KHDRBS3: variants seen among roughly 807,000 people sequenced by gnomAD.
KHDRBS3 encodes KH domain-containing, RNA-binding, signal transduction-associated protein 3.
In KHDRBS3, 23 loss-of-function variants were observed where a neutral mutation model predicts 45.6. The ratio of observed to expected loss-of-function variants is 0.50; its 90% confidence interval spans 0.36 to 0.72. The LOEUF (loss-of-function observed/expected upper bound fraction) is 0.72. KHDRBS3 is among the 30% of genes least tolerant of loss of function. The pLI is 0.00. For synonymous variants in KHDRBS3, 162 were observed against 156.5 expected (o/e 1.04, Z -0.26); for missense variants, 352 against 424.8 (o/e 0.83, Z 1.51).
At chr8:135,562,418 C>T (rs1030197972) in intron 5 of KHDRBS3, among the ~76,000 whole-genome samples, 5 of 152,178 alleles carry the variant, frequency 3.3e-5, no homozygotes, top group Admixed American at 3.3e-4. Context: ...GTGTAGTAGG[C>T]TACGCCACCT....
chr8:135,501,662 T>G (rs948605872), intron 1 of KHDRBS3, among the ~76,000 whole-genome samples: 8 of 152,282 alleles, frequency 5.3e-5, no homozygotes, highest in African/African-American at 1.9e-4. Context: ...ATGTAGCTTA[T>G]CGATTTTTTT....
In KHDRBS3 at chr8:135,536,992, AAAAAAG is replaced by A. The variant is rs1825804521; in HGVS notation, c.208-5661_208-5656del. Among the ~76,000 whole-genome samples the A allele has an allele frequency of 7.4e-5, 6 of 81,616 alleles. 1 individual carries two copies. The highest frequency in any genetic ancestry group is 5.4e-4 in the African/African-American group (6 of 11,016). 53.5% of individuals were successfully genotyped at this position (81,616 alleles called of 152,430 possible). A position where few individuals can be genotyped will look rare whatever the true frequency, so the allele number is the denominator to read the frequency against. ...AAAAAAAAAAAAAAAAAAAAAAAAAAAAAAAGGAGATGTTTAGGAGGTAAAATCATT... is the reference window on the plus strand; with the variant it reads ...AAAAAAAAAAAAAAAAAAAAAAAAAAGAGATGTTTAGGAGGTAAAATCATT... On this transcript the variant is annotated intron_variant, in intron 2 of 8. Coordinates refer to ENST00000355849, the MANE Select transcript of KHDRBS3 (RefSeq NM_006558.3).
chr8:135,639,553 C>T (rs1398207336), intron 7 of KHDRBS3, among the ~76,000 whole-genome samples: 1 of 152,054 alleles, frequency 6.6e-6, no homozygotes, highest in Non-Finnish European at 1.5e-5. Context: ...AGGAGTTAGC[C>T]ACAAAAAGAA....
chr8:135,527,753 A>T (rs925749093), intron 2 of KHDRBS3, among the ~76,000 whole-genome samples: 1 of 152,222 alleles, frequency 6.6e-6, no homozygotes, highest in African/African-American at 2.4e-5. Flanking sequence ...CTGTGCTATA[A>T]TATTAAGTGA....
intron 5 of KHDRBS3, among the ~76,000 whole-genome samples, chr8:135,567,534 G>T (rs2130871987): frequency 6.6e-6 from 1 of 152,316 alleles, no homozygotes; most frequent in South Asian, 2.1e-4. Context: ...ATTACTAAGT[G>T]TGTTAATCTC....
chr8:135,587,292 ACAT>A (rs1375775079), intron 6 of KHDRBS3, among the ~76,000 whole-genome samples: 1 of 152,214 alleles, frequency 6.6e-6, no homozygotes, highest in Non-Finnish European at 1.5e-5. Context: ...GTTAGCAAAT[ACAT>A]CTATTTGACT....
intron 2 of KHDRBS3, among the ~76,000 whole-genome samples, chr8:135,523,114 C>T (rs766531521): frequency 8.5e-5 from 13 of 152,188 alleles, no homozygotes; most frequent in South Asian, 2.1e-4. Context: ...CACCTTTGTC[C>T]TTCTTTTTCA....
At chr8:135,537,133 G>A (rs538165719) in intron 2 of KHDRBS3, among the ~76,000 whole-genome samples, 72 of 152,294 alleles carry the variant, frequency 4.7e-4, no homozygotes, top group African/African-American at 1.6e-3. Flanking sequence ...TGCAGTAGGT[G>A]GCAGGCTTCA....
chr8:135,495,102 C>G (rs1010105024), intron 1 of KHDRBS3, among the ~76,000 whole-genome samples: 1 of 152,118 alleles, frequency 6.6e-6, no homozygotes, highest in African/African-American at 2.4e-5. Context: ...GTGTTTTCTC[C>G]CAGGTGTTTT....
intron 2 of KHDRBS3, among the ~76,000 whole-genome samples, chr8:135,528,554 C>CCT (rs2130697153): frequency 6.6e-6 from 1 of 152,184 alleles, no homozygotes; most frequent in South Asian, 2.1e-4. Flanking sequence ...TGGTAATTTA[C>CCT]CTCTAGAAAT....
downstream of KHDRBS3, chr8:135,647,662 C>T (rs1235480477): frequency 6.6e-6 from 1 of 152,104 alleles, no homozygotes; most frequent in Non-Finnish European, 1.5e-5. Context: ...TTTAAAAAGG[C>T]CTTCATAAAT....
chr8:135,563,776 T>C (rs1412308956), intron 5 of KHDRBS3, among the ~76,000 whole-genome samples: 1 of 152,218 alleles, frequency 6.6e-6, no homozygotes, highest in Non-Finnish European at 1.5e-5. Context: ...TTGTGAGCCG[T>C]CCAGGATGCT....
chr8:135,638,774 C>G (rs1330992834), intron 7 of KHDRBS3, among the ~76,000 whole-genome samples: 2 of 152,030 alleles, frequency 1.3e-5, no homozygotes, highest in Admixed American at 6.6e-5. Context: ...ATGGTGAAAC[C>G]CTGTCTCTAC....
chr8:135,600,776 G>T (rs1437674889), intron 6 of KHDRBS3, among the ~76,000 whole-genome samples: 1 of 152,218 alleles, frequency 6.6e-6, no homozygotes, highest in Non-Finnish European at 1.5e-5. Context: ...GCCTTGGTCT[G>T]CAGCCTCCGC....
At chr8:135,622,316 C>T (rs531229993) in intron 7 of KHDRBS3, among the ~76,000 whole-genome samples, 1 of 152,182 alleles carries the variant, frequency 6.6e-6, no homozygotes, top group African/African-American at 2.4e-5. Context: ...ATCACAATTT[C>T]TTATCTGATT....
intron 7 of KHDRBS3, among the ~76,000 whole-genome samples, chr8:135,610,095 A>G (rs1394205676): frequency 6.6e-6 from 1 of 151,860 alleles, no homozygotes; most frequent in African/African-American, 2.4e-5. Flanking sequence ...CTGGTTTTTG[A>G]TATTTGATAT....
At chr8:135,593,644 A>AT (rs1192153026) in intron 6 of KHDRBS3, among the ~76,000 whole-genome samples, 2 of 152,002 alleles carry the variant, frequency 1.3e-5, no homozygotes, top group African/African-American at 2.4e-5. Context: ...TGCCCGGCTA[A>AT]TTTTTTTATT....
intron 1 of KHDRBS3, among the ~76,000 whole-genome samples, chr8:135,488,360 C>T (rs1367727935): frequency 1.3e-5 from 2 of 152,088 alleles, no homozygotes; most frequent in African/African-American, 4.8e-5. Context: ...TGATAAGTTG[C>T]AGGAGGAACC....
At chr8:135,644,716 A>G (rs1274833010) in intron 7 of KHDRBS3, among the ~76,000 whole-genome samples, 1 of 152,150 alleles carries the variant, frequency 6.6e-6, no homozygotes, top group African/African-American at 2.4e-5. Context: ...GTCCACACAC[A>G]TCCTCCCTCT....
Sources: allele counts gnomAD v4.1 joint callset (sites outside exome capture counted in the v4.1 genomes callset), GRCh38; gene constraint gnomAD v4.1.1; transcripts MANE v1.5; gene names NCBI Gene and HGNC (gene_info 2026-07-23, HGNC 2026-07-21).